The following SNTG1 variants were observed in gnomAD, a reference collection of about 807,000 sequenced individuals.
SNTG1 encodes the protein gamma-1-syntrophin.
In SNTG1, 39 loss-of-function variants were observed where a neutral mutation model predicts 74.7. That is an observed-to-expected ratio of 0.52 (90% CI 0.40 to 0.68). The LOEUF (loss-of-function observed/expected upper bound fraction) is 0.68, where lower values mean the gene tolerates loss of function less well. Ranked by LOEUF, SNTG1 falls within the 30% of genes least tolerant of loss-of-function variation. SNTG1 has a pLI of 0.00. For synonymous variants in SNTG1, 254 were observed against 217.1 expected (o/e 1.17, Z -1.49); for missense variants, 685 against 609.5 (o/e 1.12, Z -1.30).
At chr8:50,671,764 A>G (rs201456676) in intron 15 of SNTG1, among the ~76,000 whole-genome samples, 1 of 151,988 alleles carries the variant, frequency 6.6e-6, no homozygotes, top group Non-Finnish European at 1.5e-5. Flanking sequence ...TTGCGGCACT[A>G]TTCACAATAG....
At chr8:50,195,112 T>C (rs2083714728) in intron 2 of SNTG1, among the ~76,000 whole-genome samples, 1 of 152,074 alleles carries the variant, frequency 6.6e-6, no homozygotes, top group African/African-American at 2.4e-5. Context: ...GGGCAGTTCT[T>C]GCTGTGGCTG....
At chr8:50,207,276 C>T (rs2084291210) in intron 2 of SNTG1, among the ~76,000 whole-genome samples, 1 of 152,120 alleles carries the variant, frequency 6.6e-6, no homozygotes, top group African/African-American at 2.4e-5. Flanking sequence ...GATTCAACTT[C>T]TTCCTGGTTT....
intron 9 of SNTG1, among the ~76,000 whole-genome samples, chr8:50,524,113 T>A (rs2094201581): frequency 6.6e-6 from 1 of 152,142 alleles, no homozygotes; most frequent in Non-Finnish European, 1.5e-5. Flanking sequence ...GATCCTTTTA[T>A]CAATTTCTTT....
At chr8:49,981,438 TGATA>T (rs929715162) in intron 1 of SNTG1, among the ~76,000 whole-genome samples, 17 of 34,514 alleles carry the variant, frequency 4.9e-4, no homozygotes, top group Admixed American at 8.9e-4. Flanking sequence ...TAGACTGAAA[TGATA>T]AAGAAAGAAT....
chr8:50,107,401 C>G (rs2080414338), intron 1 of SNTG1, among the ~76,000 whole-genome samples: 1 of 151,960 alleles, frequency 6.6e-6, no homozygotes, highest in Non-Finnish European at 1.5e-5. Flanking sequence ...ATTTAAAGGT[C>G]AATTTTATAA....
chr8:50,242,911 G>A (rs976659178), intron 2 of SNTG1, among the ~76,000 whole-genome samples: 2 of 151,696 alleles, frequency 1.3e-5, no homozygotes, highest in Non-Finnish European at 2.9e-5. Context: ...TTTTAGAATA[G>A]CATTGCATAG....
At chr8:50,728,321 A>G (rs747875728) in intron 17 of SNTG1, among the ~76,000 whole-genome samples, 2 of 152,138 alleles carry the variant, frequency 1.3e-5, no homozygotes, top group Non-Finnish European at 2.9e-5. Context: ...GGGCACCACT[A>G]GGTGTCTTGA....
intron 2 of SNTG1, among the ~76,000 whole-genome samples, chr8:50,371,895 A>AT (rs762765449): frequency 2.0e-5 from 3 of 151,746 alleles, no homozygotes; most frequent in East Asian, 3.9e-4. Flanking sequence ...ATCTTTTCCT[A>AT]TTTTTTTACT....
chr8:50,754,928 T>C (rs2095576554), intron 18 of SNTG1, among the ~76,000 whole-genome samples: 1 of 151,896 alleles, frequency 6.6e-6, no homozygotes, highest in South Asian at 2.1e-4. Context: ...TTTTTTTCCT[T>C]TCCTTTTTTA....
At chr8:50,445,606 G>C (rs539971526) in intron 5 of SNTG1, among the ~76,000 whole-genome samples, 17 of 152,252 alleles carry the variant, frequency 1.1e-4, no homozygotes, top group African/African-American at 4.1e-4. Flanking sequence ...TTTGTAAAAA[G>C]ATTATCACAA....
intron 8 of SNTG1, among the ~76,000 whole-genome samples, chr8:50,465,203 A>G (rs1278507732): frequency 2.0e-5 from 3 of 152,148 alleles, no homozygotes; most frequent in African/African-American, 7.2e-5. Flanking sequence ...TCTCATTCTA[A>G]CAAATGGTTA....
intron 2 of SNTG1, among the ~76,000 whole-genome samples, chr8:50,376,372 G>A (rs1294514716): frequency 6.6e-6 from 1 of 151,940 alleles, no homozygotes; most frequent in African/African-American, 2.4e-5. Flanking sequence ...ATCTTACTGA[G>A]GTTTTCTTTG....
intron 16 of SNTG1, among the ~76,000 whole-genome samples, chr8:50,705,912 G>C (rs1048251174): frequency 3.3e-5 from 5 of 152,206 alleles, no homozygotes; most frequent in Admixed American, 6.5e-5. Flanking sequence ...TAGATCCATA[G>C]AGCAAGGACC....
chr8:50,209,435 C>A (rs139753067), intron 2 of SNTG1, among the ~76,000 whole-genome samples: 1 of 152,176 alleles, frequency 6.6e-6, no homozygotes, highest in African/African-American at 2.4e-5. Context: ...AAGTGGGTCC[C>A]TGACCTCTGA....
At chr8:50,146,393 C>G (rs1285717990) in intron 1 of SNTG1, among the ~76,000 whole-genome samples, 1 of 152,128 alleles carries the variant, frequency 6.6e-6, no homozygotes, top group East Asian at 1.9e-4. Flanking sequence ...TGGCGCATGC[C>G]TTTAATCCAA....
intron 2 of SNTG1, among the ~76,000 whole-genome samples, chr8:50,227,202 TA>T (rs1453671938): frequency 3.3e-5 from 5 of 152,098 alleles, no homozygotes; most frequent in African/African-American, 1.2e-4. Context: ...GGCCCTGAAC[TA>T]CAGACCTATA....
intron 1 of SNTG1, among the ~76,000 whole-genome samples, chr8:50,036,737 A>T (rs1387264953): frequency 6.6e-6 from 1 of 152,228 alleles, no homozygotes. Context: ...AAACAGGCTA[A>T]AAACCAAACT....
chr8:50,633,957 A>C (rs2131129376), intron 13 of SNTG1, among the ~76,000 whole-genome samples: 1 of 152,282 alleles, frequency 6.6e-6, no homozygotes, highest in Admixed American at 6.5e-5. Context: ...CTCTTCCATA[A>C]GTGCCAAAGG....
chr8:50,488,471 C>A (rs923756160), intron 8 of SNTG1, among the ~76,000 whole-genome samples: 1 of 152,126 alleles, frequency 6.6e-6, no homozygotes, highest in Non-Finnish European at 1.5e-5. Flanking sequence ...ATCAATGGGT[C>A]CTACCTTCAC....
Sources: allele counts gnomAD v4.1 joint callset (sites outside exome capture counted in the v4.1 genomes callset), GRCh38; gene constraint gnomAD v4.1.1; transcripts MANE v1.5; gene names NCBI Gene and HGNC (gene_info 2026-07-23, HGNC 2026-07-21).